The following PTPRH variants were observed in gnomAD, a reference collection of about 807,000 sequenced individuals.
PTPRH encodes protein tyrosine phosphatase receptor type H, also known as receptor-type tyrosine-protein phosphatase H.
Under a neutral mutation model 130.2 loss-of-function variants are expected in PTPRH, and 113 were observed. The observed-to-expected ratio is 0.87, with a 90% confidence interval of 0.75 to 1.01. The LOEUF (loss-of-function observed/expected upper bound fraction) is 1.01, where lower values mean the gene tolerates loss of function less well. PTPRH is among the 50% of genes least tolerant of loss of function. The pLI is 0.00. For synonymous variants in PTPRH, 556 were observed against 577.9 expected, an observed-to-expected ratio of 0.96 and a Z score of 0.54; for missense variants, 1,430 against 1,425.0, an observed-to-expected ratio of 1.00 and a Z score of -0.06.
Position 55,186,463 on chromosome 19 carries a change from C to A in PTPRH, c.2643+1G>T, listed in dbSNP as rs74901631. On this transcript the variant is annotated splice_donor_variant, in intron 15 of 19. Coordinates refer to ENST00000376350, the MANE Select transcript of PTPRH (RefSeq NM_002842.5). LOFTEE classifies it high-confidence loss of function. ...CCTTTCAATCCCAACCACGACCTTA[C>A]GGGCATGAAGCTGGCATTGATGTAG... 425 of 1,608,928 alleles carry A rather than the reference C, an allele frequency of 2.6e-4. 1 individual carries two copies. The highest frequency in any genetic ancestry group is 3.3e-4 in the Middle Eastern group (2 of 6,048).
chr19:55,199,821 AAG>A (rs563382307), intron 7 of PTPRH, among the ~76,000 whole-genome samples: 122 of 151,148 alleles, frequency 8.1e-4, no homozygotes, highest in African/African-American at 2.4e-3. Flanking sequence ...AAGAAAGAGA[AAG>A]AGAGAAAGGA....
At chr19:55,200,701 G>C (rs773404176) in intron 6 of PTPRH, among the ~76,000 whole-genome samples, 199 bp from the exon 7 acceptor site, 1 of 152,118 alleles carries the variant, frequency 6.6e-6, no homozygotes, top group Non-Finnish European at 1.5e-5. Context: ...CCAGCACTTC[G>C]GGAGGCTGAG....
chr19:55,204,116 C>T, intron 4 of PTPRH, 68 bp from the exon 5 acceptor site: 1 of 1,474,270 alleles, frequency 6.8e-7, no homozygotes, highest in East Asian at 2.3e-5. Flanking sequence ...AGCCAGTGAG[C>T]TTTTTGTTTG....
At chr19:55,183,498 C>T (rs770180254) in intron 18 of PTPRH, among the ~76,000 whole-genome samples, 14 of 152,116 alleles carry the variant, frequency 9.2e-5, no homozygotes, top group African/African-American at 2.9e-4. Flanking sequence ...CTGAAGCAGG[C>T]GGATCACCGG....
intron 10 of PTPRH, among the ~76,000 whole-genome samples, chr19:55,196,280 C>T (rs1286846120): frequency 6.6e-6 from 1 of 152,032 alleles, no homozygotes; most frequent in East Asian, 1.9e-4. Context: ...CCCAGCTACT[C>T]AGGAGGCTGA....
chr19:55,207,033 CA>C, intron 2 of PTPRH, 78 bp from the exon 3 acceptor site: 1 of 1,551,548 alleles, frequency 6.4e-7, no homozygotes, highest in South Asian at 1.2e-5. Context: ...GCTCACGCCC[CA>C]AGTCCAGAAA....
intron 10 of PTPRH, chr19:55,192,129 G>A (rs138580361): frequency 1.9e-5 from 7 of 371,228 alleles, no homozygotes; most frequent in East Asian, 1.4e-4. Flanking sequence ...ACGGCCGGGC[G>A]CGGTGGCTTA....
chr19:55,189,201 G>T (rs562141934), intron 12 of PTPRH, among the ~76,000 whole-genome samples: 1 of 152,238 alleles, frequency 6.6e-6, no homozygotes, highest in East Asian at 1.9e-4. Flanking sequence ...GATCAGGCTG[G>T]TCTCGAACTC....
intron 2 of PTPRH, 97 bp from the exon 3 acceptor site, chr19:55,207,052 G>C: frequency 6.4e-7 from 1 of 1,556,472 alleles, no homozygotes; most frequent in South Asian, 1.2e-5. Context: ...AAACAACGGC[G>C]CTCATAAACC....
At chr19:55,207,358 CTT>C in intron 1 of PTPRH, 159 bp from the exon 2 acceptor site, 1 of 730,932 alleles carries the variant, frequency 1.4e-6, no homozygotes, top group Non-Finnish European at 2.3e-6. Flanking sequence ...CCTCGACCGT[CTT>C]TCCTGGGTCG....
intron 10 of PTPRH, among the ~76,000 whole-genome samples, chr19:55,194,639 A>G (rs576382883): frequency 2.0e-5 from 3 of 152,226 alleles, no homozygotes; most frequent in Admixed American, 1.3e-4. Flanking sequence ...TTAAGCTCCA[A>G]AGTTTTTCAG....
At chr19:55,208,939 G>A (rs1452047704) in intron 1 of PTPRH, among the ~76,000 whole-genome samples, 1 of 121,120 alleles carries the variant, frequency 8.3e-6, no homozygotes, top group Non-Finnish European at 1.8e-5. Context: ...CTGGGGTCTG[G>A]ACTCCTGGGT....
chr19:55,200,947 C>CAA (rs750465404), intron 6 of PTPRH, among the ~76,000 whole-genome samples: 17 of 123,726 alleles, frequency 1.4e-4, no homozygotes, highest in East Asian at 4.1e-4. Flanking sequence ...CGTCTCAAAA[C>CAA]AAACAAAAAA....
rs200814234 is a variant in PTPRH at position 55,188,138 on chromosome 19, G to A, written c.2415C>T (p.Phe805=). The change falls in exon 13 of 20, where the codon TTC becomes TTT. Residue 805 remains phenylalanine (F), a synonymous_variant. Transcript: ENST00000376350. ...TCTCATTCTTCCTGACGTGGTCAGC[G>A]AAGTCTTCAGCTGGGATGTCCCCTG... ...SSPGDIPAED[F]ADHVRKNERD... 7.4e-6 allele frequency: 12 copies of A among 1,613,994 alleles called. No individual in the cohort carries two copies. The highest frequency in any genetic ancestry group is 5.0e-5 in the Admixed American group (3 of 59,952).
At position 55,187,527 on chromosome 19, in the gene PTPRH, C is replaced by T; in HGVS notation, c.2552G>A (p.Arg851Lys). Residue 851 changes from arginine (R) to lysine (K), a missense_variant, in exon 14 of 20, where the codon AGA becomes AAA. By Grantham distance (26) the Arg-to-Lys change is conservative. Transcript: ENST00000376350. ...CCGAGACTCACAGGGCAGCACATTT[C>T]TGTAGCGGTTCTTGGCGTTGTTCTC... ...ASENNAKNRY[R>K]NVLPYDWSRV... is the part of the protein sequence containing the mutation. 6.2e-7 allele frequency: 1 copy of T among 1,612,686 alleles called. No homozygotes were observed. Among genetic ancestry groups the T allele is most frequent in the Non-Finnish European group, 8.5e-7 (1 of 1,179,172 alleles).
intron 2 of PTPRH, 38 bp from the exon 3 acceptor site, chr19:55,206,993 C>G: frequency 6.4e-7 from 1 of 1,561,714 alleles, no homozygotes. Context: ...AAAAGGGAAC[C>G]AGGTCAGTAC....
At chr19:55,185,198 G>A (rs1282633245) in intron 18 of PTPRH, among the ~76,000 whole-genome samples, 1 of 151,924 alleles carries the variant, frequency 6.6e-6, no homozygotes, top group Non-Finnish European at 1.5e-5. Flanking sequence ...TTTGTATGTT[G>A]GCCAAGCTGT....
rs17458 is a variant in PTPRH at position 55,181,647 on chromosome 19, C to T, written c.*107G>A. On this transcript the variant is annotated 3_prime_UTR_variant, in exon 20 of 20. Coordinates refer to ENST00000376350, the MANE Select transcript of PTPRH (RefSeq NM_002842.5). ...GGATACCAGCCCCCTCCTCCCACAG[C>T]ACCCAGGAGTCTGGGAGCCCAGCCC... The T allele has an allele frequency of 0.054, 79,060 of 1,465,780 alleles. 6,991 individuals are homozygous for T. Among genetic ancestry groups the T allele is most frequent in the Admixed American group, 0.34 (18,801 of 54,714 alleles). The allele number at this position is 1,465,780 out of a possible 1,614,324, so 90.8% of individuals were successfully genotyped here.
rs976225458 is a variant in PTPRH, at chr19:55,181,267, A to C, written c.*487T>G. 3.2e-5 allele frequency: 5 copies of C among 156,784 alleles called. No individual in the cohort carries two copies. Among genetic ancestry groups the C allele is most frequent in the African/African-American group, 1.2e-4 (5 of 41,494 alleles). The allele number at this position is 156,784 out of a possible 1,614,324, so 9.7% of individuals were successfully genotyped here. A position where few individuals can be genotyped will look rare whatever the true frequency, so the allele number is the denominator to read the frequency against. On this transcript the variant is annotated 3_prime_UTR_variant, in exon 20 of 20. Coordinates refer to ENST00000376350, the MANE Select transcript of PTPRH (RefSeq NM_002842.5). Reference sequence around the variant, plus strand: ...CTGTCTCTGGGGAGAACAGTGATTTAATAAATTATGGGATAGAAGGAAAAA... The same window carrying C: ...CTGTCTCTGGGGAGAACAGTGATTTCATAAATTATGGGATAGAAGGAAAAA...
Sources: gnomAD v4.1 joint callset for allele counts (sites outside exome capture counted in the v4.1 genomes callset) on GRCh38, gnomAD v4.1.1 for gene constraint, MANE v1.5 for transcripts, NCBI Gene and HGNC (gene_info 2026-07-23, HGNC 2026-07-21) for gene names.